The following IL1RAPL1 variants were observed in gnomAD, a reference collection of about 807,000 sequenced individuals.
The protein encoded by IL1RAPL1 is interleukin 1 receptor accessory protein like 1.
In IL1RAPL1, 3 loss-of-function variants were observed where a neutral mutation model predicts 48.4. That is an observed-to-expected ratio of 0.06 (90% confidence interval 0.03 to 0.16). The LOEUF (loss-of-function observed/expected upper bound fraction) is 0.16, where lower values mean the gene tolerates loss of function less well. IL1RAPL1 is among the 10% of genes least tolerant of loss of function. The pLI, the probability that IL1RAPL1 is intolerant of heterozygous loss-of-function variation, is 1.00. For synonymous variants in IL1RAPL1, 185 were observed against 187.7 expected, an observed-to-expected ratio of 0.99 and a Z score of 0.12; for missense variants, 349 against 530.6, an observed-to-expected ratio of 0.66 and a Z score of 3.36.
chrX:29,179,586 A>T (rs979132809), intron 2 of IL1RAPL1, among the ~76,000 whole-genome samples: 2 of 111,457 alleles, frequency 1.8e-5, no homozygotes, highest in East Asian at 5.6e-4. Flanking sequence ...ATCCTGGATT[A>T]TCTGGGTGGG....
At chrX:29,627,600 G>A (rs191777558) in intron 5 of IL1RAPL1, among the ~76,000 whole-genome samples, 16 of 111,624 alleles carry the variant, frequency 1.4e-4, no homozygotes, top group Non-Finnish European at 2.6e-4. Context: ...GTTTCCTGAT[G>A]GATTGACCAG....
At chrX:28,872,484 T>C (rs1178498862) in intron 2 of IL1RAPL1, among the ~76,000 whole-genome samples, 1 of 112,675 alleles carries the variant, frequency 8.9e-6, no homozygotes, top group Non-Finnish European at 1.9e-5. Flanking sequence ...TTTTAAATGT[T>C]CTTATAATTA....
At chrX:28,848,889 G>A (rs149133743) in intron 2 of IL1RAPL1, among the ~76,000 whole-genome samples, 1,288 of 111,637 alleles carry the variant, frequency 0.012, 4 homozygotes, top group Middle Eastern at 0.064. Flanking sequence ...ACTTTCAGAT[G>A]CAAACGGCGC....
chrX:29,773,001 C>T (rs1463307962), intron 6 of IL1RAPL1, among the ~76,000 whole-genome samples: 1 of 111,220 alleles, frequency 9.0e-6, no homozygotes, highest in Non-Finnish European at 1.9e-5. Flanking sequence ...GATAATATTA[C>T]AAGGAGAAGA....
At chrX:28,715,987 T>A (rs1447960012) in intron 1 of IL1RAPL1, among the ~76,000 whole-genome samples, 1 of 111,825 alleles carries the variant, frequency 8.9e-6, no homozygotes, top group Non-Finnish European at 1.9e-5. Context: ...TCCACCACAA[T>A]CAAGTAGGCT....
intron 6 of IL1RAPL1, among the ~76,000 whole-genome samples, chrX:29,739,794 C>T (rs912498572): frequency 1.8e-5 from 2 of 110,497 alleles, no homozygotes; most frequent in African/African-American, 6.6e-5. Flanking sequence ...CGTGGTGGCT[C>T]GCACGTGTAA....
intron 2 of IL1RAPL1, among the ~76,000 whole-genome samples, chrX:28,921,442 A>C (rs747934737): frequency 2.7e-5 from 3 of 111,921 alleles, no homozygotes; most frequent in African/African-American, 9.7e-5. Context: ...AAAATGTTTC[A>C]AATTACTGGG....
At chrX:29,551,997 G>A (rs981957264) in intron 5 of IL1RAPL1, among the ~76,000 whole-genome samples, 9 of 111,502 alleles carry the variant, frequency 8.1e-5, no homozygotes, top group African/African-American at 9.8e-5. Flanking sequence ...AAAAACTATC[G>A]TCTTCTATTT....
chrX:29,815,927 G>C (rs993341046), intron 6 of IL1RAPL1, among the ~76,000 whole-genome samples: 1 of 111,230 alleles, frequency 9.0e-6, no homozygotes, highest in African/African-American at 3.3e-5. Flanking sequence ...AACCAAGCTT[G>C]CATTCCAGAA....
chrX:29,110,007 T>C (rs1014497146), intron 2 of IL1RAPL1, among the ~76,000 whole-genome samples: 3 of 112,308 alleles, frequency 2.7e-5, no homozygotes, highest in Non-Finnish European at 5.6e-5. Flanking sequence ...AGCAACTTTT[T>C]AAGCCTCAAG....
intron 6 of IL1RAPL1, among the ~76,000 whole-genome samples, chrX:29,917,019 A>G (rs1180153175): frequency 8.9e-6 from 1 of 112,243 alleles, no homozygotes; most frequent in Non-Finnish European, 1.9e-5. Context: ...CTTTGCAGCC[A>G]AAGATTTTCT....
At chrX:29,354,817 A>AT (rs1357152234) in intron 3 of IL1RAPL1, among the ~76,000 whole-genome samples, 5 of 112,416 alleles carry the variant, frequency 4.4e-5, no homozygotes, top group Non-Finnish European at 1.9e-5. Flanking sequence ...CTTCTACATT[A>AT]TTGGCTGGAG....
intron 3 of IL1RAPL1, among the ~76,000 whole-genome samples, chrX:29,316,924 T>C (rs902732820): frequency 3.6e-5 from 4 of 110,955 alleles, no homozygotes; most frequent in Non-Finnish European, 5.7e-5. Context: ...TTAATGCTAG[T>C]CAGTTGTGCC....
intron 1 of IL1RAPL1, among the ~76,000 whole-genome samples, chrX:28,677,976 A>AT (rs1166171229): frequency 1.1e-4 from 12 of 108,082 alleles, no homozygotes; most frequent in Admixed American, 4.9e-4. Flanking sequence ...TCCTCCTTCC[A>AT]TTTTTTTTTG....
At chrX:29,723,987 G>A (rs1308308910) in intron 6 of IL1RAPL1, among the ~76,000 whole-genome samples, 1 of 110,057 alleles carries the variant, frequency 9.1e-6, no homozygotes, top group Non-Finnish European at 1.9e-5. Flanking sequence ...GCTAAGTTTT[G>A]TATTTTTAGT....
chrX:29,303,663 T>C lies in IL1RAPL1; in HGVS notation c.362+20446T>C, dbSNP rs1011411422. Among the ~76,000 whole-genome samples the C allele has an allele frequency of 1.2e-4, 13 of 111,635 alleles. 1 individual carries two copies. Among genetic ancestry groups the C allele is most frequent in the Admixed American group, 1.0e-3 (11 of 10,545 alleles). The stretch of plus-strand genomic sequence containing the variant: ...ACGTAAACCAAAGTGTCAGTAAGCC[T>C]TGTACAAAATTTTAACTTTTAAATA... On this transcript the variant is annotated intron_variant, in intron 3 of 10. Transcript: ENST00000378993.
intron 3 of IL1RAPL1, among the ~76,000 whole-genome samples, chrX:29,379,860 C>T (rs1050087702): frequency 4.5e-5 from 5 of 110,900 alleles, no homozygotes; most frequent in Admixed American, 9.7e-5. Context: ...CCATCTTGTC[C>T]CACTTCCTAG....
chrX:29,379,336 C>T (rs184966027), intron 3 of IL1RAPL1, among the ~76,000 whole-genome samples: 183 of 112,221 alleles, frequency 1.6e-3, no homozygotes, highest in Non-Finnish European at 2.6e-3. Context: ...ATACCCTAGT[C>T]CTGCAGGAAA....
At chrX:29,671,030 C>T (rs1386482996) in intron 6 of IL1RAPL1, among the ~76,000 whole-genome samples, 1 of 112,169 alleles carries the variant, frequency 8.9e-6, no homozygotes, top group African/African-American at 3.2e-5. Context: ...AGGAATTACA[C>T]AAAGCTAAGC....
Sources: allele counts gnomAD v4.1 joint callset (sites outside exome capture counted in the v4.1 genomes callset), GRCh38; gene constraint gnomAD v4.1.1; transcripts MANE v1.5; gene names NCBI Gene and HGNC (gene_info 2026-07-23, HGNC 2026-07-21).